The following EPHA3 variants were observed in gnomAD, a reference collection of about 807,000 sequenced individuals.
EPHA3 encodes EPH receptor A3, also known as ephrin type-A receptor 3.
Under a neutral mutation model 107.1 loss-of-function variants are expected in EPHA3, and 42 were observed. The observed-to-expected ratio is 0.39, with a 90% CI of 0.31 to 0.51. EPHA3 has a LOEUF of 0.51. Among genes scored for constraint, EPHA3 ranks in the 20% least tolerant of loss-of-function variants. The probability of loss-of-function intolerance (pLI) is 0.78; values close to 1 mark genes in which losing one functional copy is unlikely to be tolerated. For missense variants in EPHA3, 1,183 were observed against 1,211.2 expected (o/e 0.98, Z 0.35); for synonymous variants, 461 against 424.8 (o/e 1.09, Z -1.05).
At chr3:89,217,528 G>A (rs1248960611) in intron 3 of EPHA3, among the ~76,000 whole-genome samples, 8 of 152,082 alleles carry the variant, frequency 5.3e-5, no homozygotes, top group Admixed American at 3.3e-4. Flanking sequence ...ACATCTAATC[G>A]CAGATTCATT....
intron 3 of EPHA3, among the ~76,000 whole-genome samples, chr3:89,248,851 GA>G (rs2107259296): frequency 6.6e-6 from 1 of 152,268 alleles, no homozygotes; most frequent in South Asian, 2.1e-4. Flanking sequence ...AGGACAAAAT[GA>G]AAAACCATGT....
At chr3:89,201,048 G>C (rs1424267189) in intron 2 of EPHA3, among the ~76,000 whole-genome samples, 1 of 152,156 alleles carries the variant, frequency 6.6e-6, no homozygotes, top group African/African-American at 2.4e-5. Context: ...GATTTAAAAA[G>C]AAAAGAAGTT....
chr3:89,361,301 C>T (rs1336181240), intron 5 of EPHA3, among the ~76,000 whole-genome samples: 1 of 150,806 alleles, frequency 6.6e-6, no homozygotes, highest in Non-Finnish European at 1.5e-5. Flanking sequence ...TCATGTGTAG[C>T]CTAAGATATA....
intron 3 of EPHA3, among the ~76,000 whole-genome samples, chr3:89,283,084 G>T (rs566788187): frequency 6.6e-6 from 1 of 152,192 alleles, no homozygotes; most frequent in East Asian, 1.9e-4. Context: ...AACTACTCTT[G>T]GAAGTGCAGG....
At chr3:89,320,598 C>CT (rs58036688) in intron 3 of EPHA3, among the ~76,000 whole-genome samples, 69,928 of 150,738 alleles carry the variant, frequency 0.46, 16,449 homozygotes, top group African/African-American at 0.52. Context: ...ATCCCATGGA[C>CT]TTTTTTTTTA....
At chr3:89,128,660 C>T (rs1704140545) in intron 2 of EPHA3, among the ~76,000 whole-genome samples, 1 of 149,836 alleles carries the variant, frequency 6.7e-6, no homozygotes, top group South Asian at 2.1e-4. Context: ...ATACTGTATA[C>T]CATATATAGA....
At chr3:89,318,048 C>G (rs1706949168) in intron 3 of EPHA3, among the ~76,000 whole-genome samples, 2 of 151,762 alleles carry the variant, frequency 1.3e-5, no homozygotes, top group Non-Finnish European at 2.9e-5. Context: ...TGACAGGCAT[C>G]AATAATATAG....
chr3:89,118,767 GA>G (rs1353680090), intron 1 of EPHA3, among the ~76,000 whole-genome samples: 1 of 151,276 alleles, frequency 6.6e-6, no homozygotes, highest in Non-Finnish European at 1.5e-5. Flanking sequence ...ACTAGATTTT[GA>G]AAAAAAATAT....
chr3:89,354,311 T>A (rs1474669501), intron 5 of EPHA3, among the ~76,000 whole-genome samples: 2 of 151,218 alleles, frequency 1.3e-5, no homozygotes, highest in African/African-American at 4.8e-5. Context: ...ATGTTCTGTT[T>A]CCAAAAGCAG....
At chr3:89,140,059 A>G (rs1704397241) in intron 2 of EPHA3, among the ~76,000 whole-genome samples, 1 of 151,794 alleles carries the variant, frequency 6.6e-6, no homozygotes, top group African/African-American at 2.4e-5. Context: ...TTAGCTTTCC[A>G]TTCTCGTGAA....
At chr3:89,206,373 C>A (rs978592824) in intron 2 of EPHA3, among the ~76,000 whole-genome samples, 2 of 152,102 alleles carry the variant, frequency 1.3e-5, no homozygotes, top group Admixed American at 1.3e-4. Context: ...CTGTTCATTG[C>A]AGAATAAATT....
At chr3:89,321,567 T>C (rs1404099288) in intron 3 of EPHA3, among the ~76,000 whole-genome samples, 2 of 152,094 alleles carry the variant, frequency 1.3e-5, no homozygotes, top group African/African-American at 2.4e-5. Context: ...TGATTACTTG[T>C]GAGTCTAAGA....
chr3:89,252,291 T>C (rs2107265034), intron 3 of EPHA3, among the ~76,000 whole-genome samples: 1 of 152,348 alleles, frequency 6.6e-6, no homozygotes, highest in South Asian at 2.1e-4. Flanking sequence ...TAAACATATA[T>C]TATGCTGGAC....
At chr3:89,471,270 C>A (rs1710395958) in intron 15 of EPHA3, among the ~76,000 whole-genome samples, 1 of 151,956 alleles carries the variant, frequency 6.6e-6, no homozygotes. Context: ...TCCTTTATGC[C>A]TCTTCTGTTC....
chr3:89,352,366 ATGT>A lies in EPHA3; in HGVS notation c.1306+10280_1306+10282del, dbSNP rs543284436. 2.6e-3 allele frequency among the ~76,000 whole-genome samples: 389 copies of A among 151,354 alleles called. 8 individuals carry two copies. Among genetic ancestry groups the A allele is most frequent in the Non-Finnish European group, 4.2e-3 (284 of 67,584 alleles). ...TGGCATTCTGGGACTATAATTCAAA[ATGT>A]TGTCACTAATATAATTTTAAACAAT... On this transcript the variant is annotated intron_variant, in intron 5 of 16. Transcript: ENST00000336596.
At chr3:89,165,868 A>G (rs552036343) in intron 2 of EPHA3, among the ~76,000 whole-genome samples, 44 of 152,298 alleles carry the variant, frequency 2.9e-4, no homozygotes, top group Admixed American at 2.7e-3. Flanking sequence ...CCAAATACCC[A>G]TTCAGGGCTT....
chr3:89,211,263 G>T (rs1383575654), intron 3 of EPHA3, among the ~76,000 whole-genome samples: 12 of 151,800 alleles, frequency 7.9e-5, no homozygotes, highest in African/African-American at 2.7e-4. Flanking sequence ...TATTTTAAGT[G>T]GAATCAATTA....
intron 3 of EPHA3, among the ~76,000 whole-genome samples, chr3:89,253,524 C>A (rs538617795): frequency 6.6e-6 from 1 of 152,256 alleles, no homozygotes; most frequent in African/African-American, 2.4e-5. Flanking sequence ...ATAGCTTGAA[C>A]TTGAAAGTAT....
At chr3:89,467,673 G>A (rs1308526920) in intron 15 of EPHA3, among the ~76,000 whole-genome samples, 2 of 152,094 alleles carry the variant, frequency 1.3e-5, no homozygotes, top group Non-Finnish European at 2.9e-5. Context: ...TTGATGGGAA[G>A]AAAATATATA....
Sources: allele counts gnomAD v4.1 joint callset (sites outside exome capture counted in the v4.1 genomes callset), GRCh38; gene constraint gnomAD v4.1.1; transcripts MANE v1.5; gene names NCBI Gene and HGNC (gene_info 2026-07-23, HGNC 2026-07-21).